Variants in DEPDC4 observed in about 807,000 individuals in gnomAD.
DEPDC4 encodes DEP domain-containing protein 4.
A neutral mutation model predicts 52.0 loss-of-function variants in DEPDC4; 52 were observed. That is an observed-to-expected ratio of 1.00 (90% CI 0.80 to 1.26). The LOEUF is 1.26. Among genes scored for constraint, DEPDC4 ranks in the 50% most tolerant of loss-of-function variants. DEPDC4 has a pLI of 0.00. For synonymous variants in DEPDC4, 201 were observed against 196.8 expected (o/e 1.02, Z -0.18); for missense variants, 530 against 546.9 (o/e 0.97, Z 0.31).
chr12:100,252,478 C>G lies in DEPDC4; in HGVS notation c.1164G>C (p.Leu388Phe). ...EATQLYLRLL[L>F]LNIREELRRL... Reference sequence around the variant, plus strand: ...GTCGTAATTCTTCTCTAATGTTCAGCAACAGCAATCTTAGATATAGTTGTG... The same window carrying G: ...GTCGTAATTCTTCTCTAATGTTCAGGAACAGCAATCTTAGATATAGTTGTG... The change falls in exon 6 of 10, where the codon TTG becomes TTC. Residue 388 changes from leucine to phenylalanine, a missense_variant. Coordinates refer to ENST00000550587, the MANE Select transcript of DEPDC4 (RefSeq NM_001364818.2). 1 of 1,608,904 alleles carries G rather than the reference C, an allele frequency of 6.2e-7. No individual in the cohort carries two copies. Among genetic ancestry groups the G allele is most frequent in the Non-Finnish European group, 8.5e-7 (1 of 1,179,826 alleles).
At chr12:100,275,393 G>A in the DEPDC4 span, among the ~76,000 whole-genome samples, 1 of 151,956 alleles carries the variant, frequency 6.6e-6, no homozygotes. Context: ...TTGGAGTCTT[G>A]ATATGTTACC....
intron 9 of DEPDC4, among the ~76,000 whole-genome samples, chr12:100,234,841 C>T (rs2096139007): frequency 6.6e-6 from 1 of 152,106 alleles, no homozygotes; most frequent in African/African-American, 2.4e-5. Flanking sequence ...AATGATGATA[C>T]CCTTGGGAAC....
At chr12:100,271,477 G>T (rs991350463), upstream of DEPDC4, among the ~76,000 whole-genome samples, 8 of 152,118 alleles carry the variant, frequency 5.3e-5, no homozygotes, top group African/African-American at 1.9e-4. Context: ...TATAAATGAT[G>T]ATATAAATGG....
chr12:100,237,483 C>T (rs1271192820), downstream of DEPDC4, among the ~76,000 whole-genome samples: 2 of 152,204 alleles, frequency 1.3e-5, no homozygotes, highest in South Asian at 2.1e-4. Context: ...GCTGGGATTA[C>T]AGGTGTGAGC....
rs1331506599 is a variant in DEPDC4 at position 100,263,910 on chromosome 12, A to G, written c.158-17T>C. On this transcript the variant is annotated splice_polypyrimidine_tract_variant and intron_variant, in intron 1 of 9. Coordinates refer to ENST00000550587, the MANE Select transcript of DEPDC4 (RefSeq NM_001364818.2). ...CAGAGCATCCTGAAAAAAATTAAAT[A>G]TGCATTTCTAACAAATCTAGATTAT... The G allele has an allele frequency of 1.3e-6, 2 of 1,578,744 alleles. No individual in the cohort carries two copies.
intron 9 of DEPDC4, among the ~76,000 whole-genome samples, chr12:100,234,126 A>AAAC (rs2096138068): frequency 6.6e-6 from 1 of 152,164 alleles, no homozygotes; most frequent in Admixed American, 6.6e-5. Context: ...ACAAACAAAA[A>AAAC]ACCAAACTTT....
At chr12:100,267,887 T>G (rs954147321), upstream of DEPDC4, 1 of 152,300 alleles carries the variant, frequency 6.6e-6, no homozygotes, top group Non-Finnish European at 1.5e-5. Flanking sequence ...TGACAGTAGC[T>G]TTAGTTCTGG....
the DEPDC4 span, among the ~76,000 whole-genome samples, chr12:100,273,163 A>C: frequency 6.6e-6 from 1 of 151,626 alleles, no homozygotes; most frequent in African/African-American, 2.4e-5. Flanking sequence ...ATTTCTTACT[A>C]CTCAATGTCC....
In DEPDC4 at chr12:100,244,106, T is replaced by C. The variant is rs1249017423; in HGVS notation, c.1454-1537A>G. 7.4e-3 allele frequency among the ~76,000 whole-genome samples: 489 copies of C among 65,804 alleles called. 13 individuals carry two copies. Among genetic ancestry groups the C allele is most frequent in the African/African-American group, 0.04 (443 of 11,200 alleles). The allele number at this position is 65,804 out of a possible 152,430, so 43.2% of individuals were successfully genotyped here. On this transcript the variant is annotated intron_variant, in intron 8 of 9. Transcript: ENST00000550587. ...CTCTCTCTCTCTGTGTATATATATA[T>C]ATATATATATATATATATATATATA...
chr12:100,271,682 G>A (rs77751835), upstream of DEPDC4, among the ~76,000 whole-genome samples: 1,304 of 152,274 alleles, frequency 8.6e-3, 15 homozygotes, highest in African/African-American at 0.03. Context: ...TAACTTCATT[G>A]CCAGATGTAA....
the DEPDC4 span, among the ~76,000 whole-genome samples, chr12:100,276,547 G>A: frequency 6.6e-6 from 1 of 151,992 alleles, no homozygotes; most frequent in African/African-American, 2.4e-5. Context: ...TATGTTGCTC[G>A]GGCTGGTCTT....
downstream of DEPDC4, chr12:100,238,040 T>C (rs1194613184): frequency 1.0e-6 from 1 of 982,598 alleles, no homozygotes; most frequent in Non-Finnish European, 1.2e-6. Context: ...CTTGGTGGCA[T>C]GTTTCCAATA....
Position 100,263,488 on chromosome 12 carries a change from AAC to A in DEPDC4, c.554+7_554+8del. ...TAAAATATATTACAGTATCTTAGGTAACACTAACCTCAAGGTTTCATTGAACT... is the reference window on the plus strand; with the variant it reads ...TAAAATATATTACAGTATCTTAGGTAACTAACCTCAAGGTTTCATTGAACT... On this transcript the variant is annotated splice_region_variant and intron_variant, in intron 2 of 9. Coordinates refer to ENST00000550587, the MANE Select transcript of DEPDC4 (RefSeq NM_001364818.2). The A allele has an allele frequency of 6.4e-7, 1 of 1,557,812 alleles. No homozygotes were observed. The highest frequency in any genetic ancestry group is 8.6e-7 in the Non-Finnish European group (1 of 1,156,124).
chr12:100,260,139 A>G (rs1480767088), intron 3 of DEPDC4, among the ~76,000 whole-genome samples: 1 of 150,744 alleles, frequency 6.6e-6, no homozygotes, highest in Admixed American at 6.6e-5. Flanking sequence ...TTTTTTTTTG[A>G]GACAGAGTTT....
the DEPDC4 span, among the ~76,000 whole-genome samples, chr12:100,272,167 A>T: frequency 1.3e-5 from 2 of 152,222 alleles, no homozygotes; most frequent in Admixed American, 1.3e-4. Context: ...AGGGCAGATG[A>T]TTGAATTTCA....
chr12:100,268,149 A>G (rs1015941234), upstream of DEPDC4, among the ~76,000 whole-genome samples: 1 of 152,228 alleles, frequency 6.6e-6, no homozygotes, highest in Admixed American at 6.5e-5. Flanking sequence ...TAAAAGCGCT[A>G]TGCCTGTAGT....
At chr12:100,249,850 T>C (rs2096200517) in intron 7 of DEPDC4, among the ~76,000 whole-genome samples, 1 of 152,202 alleles carries the variant, frequency 6.6e-6, no homozygotes, top group Admixed American at 6.5e-5. Flanking sequence ...TATGGGAAGT[T>C]ACATTCTCAT....
At chr12:100,232,433 CAT>C (rs1357998414) in intron 9 of DEPDC4, among the ~76,000 whole-genome samples, 1 of 151,262 alleles carries the variant, frequency 6.6e-6, no homozygotes, top group Non-Finnish European at 1.5e-5. Context: ...GGTTAATTAA[CAT>C]AATTTATATA....
In DEPDC4 at chr12:100,252,265, T is replaced by C; in HGVS notation, c.1285A>G (p.Lys429Glu). 7.1e-7 allele frequency: 1 copy of C among 1,409,046 alleles called. No individual in the cohort carries two copies. Among genetic ancestry groups the C allele is most frequent in the Non-Finnish European group, 9.3e-7 (1 of 1,080,106 alleles). The allele number at this position is 1,409,046 out of a possible 1,614,324, so 87.3% of individuals were successfully genotyped here. ...NKTVVLKTLAKSVLQAKSLLK... is the reference protein window; with the variant it reads ...NKTVVLKTLAESVLQAKSLLK... ...AATGATTTGGCTTGCAAAACTGATT[T>C]GGCAAGAGTTTTCAGGACCACTGTT... The change falls in exon 7 of 10, where the codon AAA (lysine) becomes GAA (glutamate). Residue 429 changes from lysine to glutamate, a missense_variant. Physicochemically the swap from Lys to Glu is moderately conservative, Grantham distance 56. Coordinates refer to ENST00000550587, the MANE Select transcript of DEPDC4 (RefSeq NM_001364818.2).
Sources: gnomAD v4.1 joint callset for allele counts (sites outside exome capture counted in the v4.1 genomes callset) on GRCh38, gnomAD v4.1.1 for gene constraint, MANE v1.5 for transcripts, NCBI Gene and HGNC (gene_info 2026-07-23, HGNC 2026-07-21) for gene names.